CUL9: variants seen among roughly 807,000 people sequenced by gnomAD.
CUL9 encodes cullin-9.
Under a neutral mutation model 272.6 loss-of-function variants are expected in CUL9, and 79 were observed. The observed-to-expected ratio is 0.29, with a 90% confidence interval of 0.24 to 0.35. The LOEUF (loss-of-function observed/expected upper bound fraction) is 0.35, where lower values mean the gene tolerates loss of function less well. Among genes scored for constraint, CUL9 ranks in the 10% least tolerant of loss-of-function variants. The pLI is 1.00. For synonymous variants in CUL9, 1,186 were observed against 1,286.5 expected (o/e 0.92, Z 1.67); for missense variants, 2,532 against 3,255.6 (o/e 0.78, Z 5.41).
chr6:43,214,137 C>G (rs1775744088), intron 29 of CUL9, among the ~76,000 whole-genome samples: 2 of 152,194 alleles, frequency 1.3e-5, no homozygotes, highest in South Asian at 4.1e-4. Context: ...TCATTTAATC[C>G]AGCCAGGTAC....
chr6:43,204,136 C>T, intron 20 of CUL9, 149 bp downstream of exon 20: 1 of 1,131,432 alleles, frequency 8.8e-7, no homozygotes, highest in Non-Finnish European at 1.2e-6. Context: ...CTGCCCCAGG[C>T]ACTGCTCCCT....
At position 43,198,632 on chromosome 6, in the gene CUL9, G is replaced by A. The variant is rs374636726; in HGVS notation, c.2827G>A (p.Gly943Ser). 3.1e-6 allele frequency: 5 copies of A among 1,613,992 alleles called. No individual in the cohort carries two copies. The highest frequency in any genetic ancestry group is 4.5e-5 in the East Asian group (2 of 44,882). Residue 943 changes from glycine (G) to serine (S), a missense_variant, in exon 12 of 41, where the codon GGT becomes AGT. Coordinates refer to ENST00000252050, the MANE Select transcript of CUL9 (RefSeq NM_015089.4). ...RAALETPIIQ[G>S]QDGSPELLIR... ...AGCACTAGAGACCCCCATCATCCAGGGTCAGGATGGGTCCCCTGAGCTACT... is the reference window on the plus strand; with the variant it reads ...AGCACTAGAGACCCCCATCATCCAGAGTCAGGATGGGTCCCCTGAGCTACT...
intron 20 of CUL9, 156 bp downstream of exon 20, chr6:43,204,143 C>A: frequency 9.2e-7 from 1 of 1,083,362 alleles, no homozygotes; most frequent in South Asian, 1.7e-5. Context: ...AGGCACTGCT[C>A]CCTGAGACTC....
chr6:43,205,528 G>A lies in CUL9; in HGVS notation c.4793+105G>A, dbSNP rs972526619. On this transcript the variant is annotated intron_variant, in intron 24 of 40. Transcript: ENST00000252050. ...GAGAAAAGAGGCTGTGTAGAGGAGA[G>A]ATTAAGATGTGGAGATGGCTGGCCA... The A allele has an allele frequency of 2.6e-5, 35 of 1,345,052 alleles. 1 individual carries two copies. The South Asian group carries it at 4.8e-4, about 18-fold the overall frequency. The allele number at this position is 1,345,052 out of a possible 1,614,324, so 83.3% of individuals were successfully genotyped here.
chr6:43,191,300 T>TGTGTGTGTTG (rs1562020004), intron 8 of CUL9, among the ~76,000 whole-genome samples: 1 of 122,986 alleles, frequency 8.1e-6, no homozygotes, highest in Non-Finnish European at 1.6e-5. Flanking sequence ...GTGCGTGTTG[T>TGTGTGTGTTG]TTTTTTTTTT....
chr6:43,191,136 TTTG>T (rs1182920858), intron 8 of CUL9, among the ~76,000 whole-genome samples: 32 of 152,160 alleles, frequency 2.1e-4, no homozygotes, highest in African/African-American at 6.7e-4. Context: ...TACCCATGAT[TTTG>T]TTTTTTTTAA....
chr6:43,221,793 A>T lies in CUL9; in HGVS notation c.6846+15A>T. 1 of 1,608,164 alleles carries T rather than the reference A, an allele frequency of 6.2e-7. No individual in the cohort carries two copies. Among genetic ancestry groups the T allele is most frequent in the Non-Finnish European group, 8.5e-7 (1 of 1,178,850 alleles). Reference sequence around the variant, plus strand: ...GCTCTGCCATGGTAAGGCGCTGGGCACTAGGGGAGGGCAGAGGCCCAGAGC... The same window carrying T: ...GCTCTGCCATGGTAAGGCGCTGGGCTCTAGGGGAGGGCAGAGGCCCAGAGC... On this transcript the variant is annotated intron_variant, in intron 35 of 40. Transcript: ENST00000252050. The surrounding 1 kb of genome is among the most constrained non-coding windows in gnomAD (Gnocchi z 4.2).
rs745388808 is a variant in CUL9, at chr6:43,203,654, G to T, written c.4025+62G>T. The T allele has an allele frequency of 9.2e-5, 144 of 1,562,128 alleles. No homozygotes were observed. Among genetic ancestry groups the T allele is most frequent in the Admixed American group, 1.2e-4 (7 of 57,236 alleles). ...ACAGGACACTGTGAGAAGTAGGAGGGATGCTCCTGTGGGAGTCCGGAAGGG... is the reference window on the plus strand; with the variant it reads ...ACAGGACACTGTGAGAAGTAGGAGGTATGCTCCTGTGGGAGTCCGGAAGGG... On this transcript the variant is annotated intron_variant, in intron 19 of 40. Coordinates refer to ENST00000252050, the MANE Select transcript of CUL9 (RefSeq NM_015089.4). This position sits in a 1 kb window ranked among gnomAD's most constrained non-coding sequence, Gnocchi z 5.0.
Position 43,198,647 on chromosome 6 carries a change from C to G in CUL9, c.2842C>G (p.Pro948Ala). The G allele has an allele frequency of 1.9e-6, 3 of 1,614,164 alleles. No homozygotes were observed. Among genetic ancestry groups the G allele is most frequent in the Non-Finnish European group, 2.5e-6 (3 of 1,180,028 alleles). Residue 948 changes from proline (P) to alanine (A), a missense_variant, in exon 12 of 41, where the codon CCT (proline) becomes GCT (alanine). Transcript: ENST00000252050. ...TPIIQGQDGS[P>A]ELLIRSLVGG... ...CATCATCCAGGGTCAGGATGGGTCC[C>G]CTGAGCTACTGATTCGATCCCTGGT...
chr6:43,195,611 G>C (rs1773926837), intron 9 of CUL9, among the ~76,000 whole-genome samples: 1 of 152,196 alleles, frequency 6.6e-6, no homozygotes, highest in Non-Finnish European at 1.5e-5. Flanking sequence ...GAAAAGCCAG[G>C]AGGATGTGAA....
intron 2 of CUL9, 96 bp downstream of exon 2, chr6:43,185,001 A>C (rs1772778799): frequency 2.1e-6 from 2 of 943,574 alleles, no homozygotes; most frequent in African/African-American, 1.7e-5. Flanking sequence ...AAGAACACCT[A>C]GTATTTGGTG....
intron 26 of CUL9, among the ~76,000 whole-genome samples, chr6:43,211,130 T>C (rs965343502): frequency 6.6e-6 from 1 of 152,242 alleles, no homozygotes; most frequent in African/African-American, 2.4e-5. Context: ...ATTTTAGAAT[T>C]ATCTTTTTTT....
chr6:43,221,162 A>T lies in CUL9; in HGVS notation c.6593A>T (p.His2198Leu). Reference protein sequence around the residue: ...SCFNCSFPEAHYPASCGHMSQ... With the variant: ...SCFNCSFPEALYPASCGHMSQ... ...CACCATGCCCTCTTGCCTTAGGCAC[A>T]CTACCCTGCTAGCTGTGGCCATATG... Residue 2198 changes from histidine to leucine, a missense_variant, in exon 34 of 41, where the codon CAC (histidine) becomes CTC (leucine). Around this residue, in one of 3 missense-constraint regions of CUL9, gnomAD observed 77 missense variants for 161.1 expected, o/e 0.48. Coordinates refer to ENST00000252050, the MANE Select transcript of CUL9 (RefSeq NM_015089.4). This position sits in a 1 kb window ranked among gnomAD's most constrained non-coding sequence, Gnocchi z 4.2. The T allele has an allele frequency of 6.2e-7, 1 of 1,610,186 alleles. No homozygotes were observed. The highest frequency in any genetic ancestry group is 2.2e-5 in the East Asian group (1 of 44,818).
At chr6:43,204,280 G>A in intron 20 of CUL9, 80 bp from the exon 21 acceptor site, 1 of 1,527,468 alleles carries the variant, frequency 6.5e-7, no homozygotes, top group Non-Finnish European at 9.0e-7. Context: ...TTGTACAATT[G>A]ATCTTTCTCC....
At chr6:43,212,920 G>A (rs570041898) in intron 26 of CUL9, 2 of 516,942 alleles carry the variant, frequency 3.9e-6, no homozygotes, top group Admixed American at 7.1e-5. Context: ...GCCTGGCTCA[G>A]GGCTAGGCGC....
chr6:43,203,761 G>A lies in CUL9; in HGVS notation c.4026-93G>A, dbSNP rs534117203. 1.9e-4 allele frequency: 298 copies of A among 1,532,696 alleles called. No homozygotes were observed. In the East Asian group the frequency reaches 3.3e-3, roughly 17 times the overall value. 94.9% of individuals were successfully genotyped at this position (1,532,696 alleles called of 1,614,324 possible). A position where few individuals can be genotyped will look rare whatever the true frequency, so the allele number is the denominator to read the frequency against. ...ATTGGGAAAAGTTGGGTCAGGGACCGAACAGGGGTGATTGGGAGCTGATCT... is the reference window on the plus strand; with the variant it reads ...ATTGGGAAAAGTTGGGTCAGGGACCAAACAGGGGTGATTGGGAGCTGATCT... On this transcript the variant is annotated intron_variant, in intron 19 of 40. Coordinates refer to ENST00000252050, the MANE Select transcript of CUL9 (RefSeq NM_015089.4). The surrounding 1 kb of genome is among the most constrained non-coding windows in gnomAD (Gnocchi z 5.0).
At position 43,185,480 on chromosome 6, in the gene CUL9, C is replaced by T. The variant is rs762436503; in HGVS notation, c.620C>T (p.Ser207Leu). The T allele has an allele frequency of 1.2e-6, 2 of 1,613,898 alleles. No individual in the cohort carries two copies. ...GGGAGTCGGGCTCACGTCCTTCTAT[C>T]ACTGAGCCAGCAAGATGGCATCGAG... ...DAGSRAHVLL[S>L]LSQQDGIEQH... The change falls in exon 3 of 41, where the codon TCA becomes TTA. Residue 207 changes from serine (S) to leucine (L), a missense_variant. This residue lies in a region of CUL9 where 2,218 missense variants were observed against 2,788.6 expected (regional missense o/e 0.80). Coordinates refer to ENST00000252050, the MANE Select transcript of CUL9 (RefSeq NM_015089.4).
chr6:43,224,493 T>G lies in CUL9; in HGVS notation c.*48T>G. On this transcript the variant is annotated 3_prime_UTR_variant, in exon 41 of 41. Coordinates refer to ENST00000252050, the MANE Select transcript of CUL9 (RefSeq NM_015089.4). This position sits in a 1 kb window ranked among gnomAD's most constrained non-coding sequence, Gnocchi z 4.2. ...TAGAGCAGCCCCAGAGTCACGGGGC[T>G]GAGGGGGCGGGAGCTGCCCCTGTCA... 6.4e-7 allele frequency: 1 copy of G among 1,563,650 alleles called. No homozygotes were observed. The highest frequency in any genetic ancestry group is 1.2e-5 in the South Asian group (1 of 85,036).
At position 43,215,120 on chromosome 6, in the gene CUL9, C is replaced by G; in HGVS notation, c.5730C>G (p.Thr1910=). 1.9e-6 allele frequency: 3 copies of G among 1,612,672 alleles called. No homozygotes were observed. Among genetic ancestry groups the G allele is most frequent in the Non-Finnish European group, 2.5e-6 (3 of 1,178,870 alleles). ...AGAAGGGTCCAAATCCTCCTGGAAC[C>G]CTGGGCCACACTGTTGCTGGGGGTG... ...AWQKGPNPPG[T]LGHTVAGGVA... is the part of the protein sequence containing the mutation. The change falls in exon 30 of 41, where the codon ACC becomes ACG. Residue 1910 remains threonine (T), a synonymous_variant. Coordinates refer to ENST00000252050, the MANE Select transcript of CUL9 (RefSeq NM_015089.4).
Sources: allele counts gnomAD v4.1 joint callset (sites outside exome capture counted in the v4.1 genomes callset), GRCh38; gene constraint gnomAD v4.1.1; regional missense constraint gnomAD v4.1.1; non-coding constraint Gnocchi (gnomAD v3.1); transcripts MANE v1.5; gene names NCBI Gene and HGNC (gene_info 2026-07-23, HGNC 2026-07-21).